ERCC6: variants seen among roughly 807,000 people sequenced by gnomAD.
ERCC6 encodes ERCC excision repair 6, chromatin remodeling factor, also known as DNA excision repair protein ERCC-6.
Under a neutral mutation model 158.7 loss-of-function variants are expected in ERCC6, and 116 were observed. The observed-to-expected ratio is 0.73, with a 90% CI of 0.63 to 0.85. The LOEUF (loss-of-function observed/expected upper bound fraction) is 0.85. Ranked by LOEUF, ERCC6 falls within the 40% of genes least tolerant of loss-of-function variation. The pLI is 0.00. For synonymous variants in ERCC6, 678 were observed against 659.3 expected, an observed-to-expected ratio of 1.03 and a Z score of -0.43; for missense variants, 1,698 against 1,799.4, an observed-to-expected ratio of 0.94 and a Z score of 1.02.
intron 6 of ERCC6, chr10:49,502,008 A>G (rs534312952): frequency 9.2e-5 from 14 of 151,996 alleles, no homozygotes; most frequent in Non-Finnish European, 1.3e-4. Flanking sequence ...TTTTTTTCAA[A>G]GAAAATATCA....
At chr10:49,526,139 A>ATATTTT (rs1212193345) in intron 4 of ERCC6, among the ~76,000 whole-genome samples, 1 of 22,088 alleles carries the variant, frequency 4.5e-5, no homozygotes, top group Non-Finnish European at 1.4e-4. Flanking sequence ...ATATATATAT[A>ATATTTT]TATATATATA....
At chr10:49,477,183 A>T (rs1240437643) in intron 11 of ERCC6, among the ~76,000 whole-genome samples, 1 of 152,144 alleles carries the variant, frequency 6.6e-6, no homozygotes, top group Non-Finnish European at 1.5e-5. Context: ...TCAGACAAAT[A>T]AAAACAAAAT....
At chr10:49,535,075 A>G (rs1837566399) in intron 1 of ERCC6, among the ~76,000 whole-genome samples, 1 of 152,240 alleles carries the variant, frequency 6.6e-6, no homozygotes, top group Non-Finnish European at 1.5e-5. Flanking sequence ...TGGGCCATGC[A>G]TGGTCTGATA....
intron 5 of ERCC6, among the ~76,000 whole-genome samples, chr10:49,513,180 C>G (rs1187772241): frequency 6.6e-6 from 1 of 152,176 alleles, no homozygotes; most frequent in African/African-American, 2.4e-5. Context: ...CCCCATCTTA[C>G]AGGTGAGTGG....
At chr10:49,518,284 A>T (rs1837046271) in intron 5 of ERCC6, among the ~76,000 whole-genome samples, 1 of 152,220 alleles carries the variant, frequency 6.6e-6, no homozygotes, top group Admixed American at 6.5e-5. Context: ...GAAACCAGGC[A>T]CTGAAACAAT....
In ERCC6 at chr10:49,470,834, T is replaced by C; in HGVS notation, c.3126A>G (p.Pro1042=). The C allele has an allele frequency of 1.2e-6, 2 of 1,614,190 alleles. No homozygotes were observed. The highest frequency in any genetic ancestry group is 1.7e-6 in the Non-Finnish European group (2 of 1,180,018). ...PKCHLKRRIQ[P]AFGADHDVPK... ...GAACATCATGGTCTGCTCCAAAGGCTGGTTGAATCCTTCTTTTTAGATGGC... is the reference window on the plus strand; with the variant it reads ...GAACATCATGGTCTGCTCCAAAGGCCGGTTGAATCCTTCTTTTTAGATGGC... Residue 1042 remains proline, a synonymous_variant, in exon 18 of 21, where the codon CCA becomes CCG. Transcript: ENST00000355832.
intron 9 of ERCC6, 22 bp downstream of exon 9, chr10:49,483,324 C>A (rs1851013473): frequency 3.7e-6 from 6 of 1,612,838 alleles, no homozygotes; most frequent in Non-Finnish European, 4.2e-6. Flanking sequence ...TTGGAAATCT[C>A]CCTTGTTAAA....
chr10:49,533,253 C>T (rs1372201138), intron 1 of ERCC6, among the ~76,000 whole-genome samples: 2 of 152,138 alleles, frequency 1.3e-5, no homozygotes, highest in Non-Finnish European at 2.9e-5. Flanking sequence ...CACCAAAATC[C>T]TGGGGTGATG....
chr10:49,532,440 T>C, intron 2 of ERCC6, 103 bp downstream of exon 2: 11 of 1,561,142 alleles, frequency 7.0e-6, no homozygotes, highest in Non-Finnish European at 9.5e-6. Flanking sequence ...TAAAAGGTTC[T>C]ACACATCTCC....
chr10:49,451,899 T>C (rs1850424365), downstream of ERCC6, among the ~76,000 whole-genome samples: 1 of 152,196 alleles, frequency 6.6e-6, no homozygotes, highest in African/African-American at 2.4e-5. Context: ...TGATTCCTGG[T>C]TTAATCTGTT....
rs1446840585 is a variant in ERCC6 at position 49,472,754 on chromosome 10, T to G, written c.2829+155A>C. 6.5e-6 allele frequency: 6 copies of G among 917,316 alleles called. No homozygotes were observed. In the East Asian group the frequency reaches 1.6e-4, roughly 24 times the overall value. The allele number at this position is 917,316 out of a possible 1,614,324, so 56.8% of individuals were successfully genotyped here. ...AAGATGGTTCCTGTCCATTTGACTC[T>G]GAAGGGTGTCTTCTTTCACGTTGAA... On this transcript the variant is annotated intron_variant, in intron 15 of 20. Transcript: ENST00000355832.
chr10:49,533,075 C>T, intron 1 of ERCC6, 97 bp from the exon 2 acceptor site: 1 of 1,386,210 alleles, frequency 7.2e-7, no homozygotes, highest in Non-Finnish European at 9.7e-7. Flanking sequence ...CTCAAAAGAT[C>T]AAGTAATAAT....
At chr10:49,517,193 A>G in intron 5 of ERCC6, 1 of 1,505,064 alleles carries the variant, frequency 6.6e-7, no homozygotes, top group Non-Finnish European at 8.9e-7. Context: ...ATGGAACATG[A>G]AAAATGTCAA....
At chr10:49,496,125 C>T (rs1851262408) in intron 7 of ERCC6, among the ~76,000 whole-genome samples, 1 of 152,176 alleles carries the variant, frequency 6.6e-6, no homozygotes, top group Admixed American at 6.5e-5. Flanking sequence ...GTCCTGGTTA[C>T]CCTCTTACCC....
chr10:49,539,288 A>C (rs551999331), upstream of ERCC6: 1 of 152,390 alleles, frequency 6.6e-6, no homozygotes, highest in Admixed American at 6.5e-5. Flanking sequence ...CTAGCGAAAA[A>C]TACCCTGCTG....
At chr10:49,496,810 GAACA>G (rs202166883) in intron 7 of ERCC6, among the ~76,000 whole-genome samples, 19 of 152,102 alleles carry the variant, frequency 1.2e-4, no homozygotes, top group Admixed American at 3.9e-4. Context: ...CTCTGTCTCA[GAACA>G]AACAAACAAA....
intron 18 of ERCC6, among the ~76,000 whole-genome samples, chr10:49,463,564 A>G (rs1023201948): frequency 5.3e-5 from 8 of 152,226 alleles, no homozygotes; most frequent in Admixed American, 1.3e-4. Context: ...AAAATTATAC[A>G]TGTGCCTGCT....
At chr10:49,508,659 T>C (rs1228520122) in intron 5 of ERCC6, among the ~76,000 whole-genome samples, 1 of 152,112 alleles carries the variant, frequency 6.6e-6, no homozygotes, top group Non-Finnish European at 1.5e-5. Flanking sequence ...ACAGAAAATA[T>C]CATGGTTATA....
intron 5 of ERCC6, among the ~76,000 whole-genome samples, chr10:49,511,469 A>G (rs1226670434): frequency 1.3e-5 from 2 of 149,890 alleles, no homozygotes; most frequent in Admixed American, 1.3e-4. Context: ...CTGTCACGTC[A>G]GCTGGAGTAC....
Sources: allele counts gnomAD v4.1 joint callset (sites outside exome capture counted in the v4.1 genomes callset), GRCh38; gene constraint gnomAD v4.1.1; transcripts MANE v1.5; gene names NCBI Gene and HGNC (gene_info 2026-07-23, HGNC 2026-07-21).